CDH23: variants seen among roughly 807,000 people sequenced by gnomAD.
CDH23 encodes cadherin related 23, also known as cadherin-23.
Under a neutral mutation model 317.1 loss-of-function variants are expected in CDH23, and 189 were observed. That is an observed-to-expected ratio of 0.60 (90% confidence interval 0.53 to 0.67). The LOEUF is 0.67. Ranked by LOEUF, CDH23 falls within the 30% of genes least tolerant of loss-of-function variation. The pLI is 0.00. For missense variants in CDH23, 4,401 were observed against 4,592.4 expected (o/e 0.96, Z 1.20); for synonymous variants, 1,839 against 1,876.8 (o/e 0.98, Z 0.52).
In CDH23 at chr10:71,803,402, C is replaced by T; in HGVS notation, c.7854C>T (p.Thr2618=). 1 of 1,594,470 alleles carries T rather than the reference C, an allele frequency of 6.3e-7. No homozygotes were observed. Among genetic ancestry groups the T allele is most frequent in the Non-Finnish European group, 8.5e-7 (1 of 1,171,320 alleles). ...RPVFVRPPNG[T]ILHIREEIPL... is the part of the protein sequence containing the mutation. ...TCTTTGTGCGCCCACCCAACGGCACCATCCTCCACATCAGAGAGGTACTCC... is the reference window on the plus strand; with the variant it reads ...TCTTTGTGCGCCCACCCAACGGCACTATCCTCCACATCAGAGAGGTACTCC... The change falls in exon 55 of 70, where the codon ACC becomes ACT. Residue 2618 remains threonine, a synonymous_variant. Transcript: ENST00000224721.
At chr10:71,677,844 C>T (rs758884630) in intron 16 of CDH23, among the ~76,000 whole-genome samples, 151 bp downstream of exon 16, 2 of 152,136 alleles carry the variant, frequency 1.3e-5, no homozygotes, top group Admixed American at 6.5e-5. Context: ...GAGTTCATTG[C>T]GGCCCCAAAC....
intron 3 of CDH23, among the ~76,000 whole-genome samples, chr10:71,498,548 GTTTGT>G (rs144357101): frequency 0.017 from 2,600 of 152,342 alleles, 59 homozygotes; most frequent in African/African-American, 0.054. Flanking sequence ...TGGCTGCAGT[GTTTGT>G]TTTATCATCA....
intron 14 of CDH23, among the ~76,000 whole-genome samples, chr10:71,673,581 A>C (rs1763889012): frequency 1.3e-5 from 2 of 152,166 alleles, no homozygotes; most frequent in Non-Finnish European, 2.9e-5. Flanking sequence ...TCTGAGAACA[A>C]GCGCCCCTCT....
chr10:71,571,172 G>A (rs151002395), intron 8 of CDH23, among the ~76,000 whole-genome samples: 315 of 152,338 alleles, frequency 2.1e-3, no homozygotes, highest in Middle Eastern at 0.01. Flanking sequence ...GGCAAGTAAC[G>A]GGGAGCCATT....
At chr10:71,514,256 C>T (rs1435603393) in intron 6 of CDH23, among the ~76,000 whole-genome samples, 2 of 152,188 alleles carry the variant, frequency 1.3e-5, no homozygotes, top group East Asian at 3.9e-4. Context: ...CCAACCTCTG[C>T]AATTGTGAAT....
intron 38 of CDH23, chr10:71,752,999 G>A (rs1443806205): frequency 6.2e-7 from 1 of 1,612,904 alleles, no homozygotes; most frequent in Non-Finnish European, 8.5e-7. Flanking sequence ...CAGCTCCTGG[G>A]CACCTAGGGA....
At chr10:71,406,376 G>A (rs1848098044) in intron 1 of CDH23, among the ~76,000 whole-genome samples, 1 of 152,150 alleles carries the variant, frequency 6.6e-6, no homozygotes, top group Non-Finnish European at 1.5e-5. Context: ...AGCAGACCTG[G>A]GGCAATCTCT....
chr10:71,437,149 CT>C (rs1353899517), intron 1 of CDH23, among the ~76,000 whole-genome samples: 1 of 152,192 alleles, frequency 6.6e-6, no homozygotes, highest in East Asian at 1.9e-4. Flanking sequence ...CACATAGGCC[CT>C]CTCATATACT....
Position 71,730,616 on chromosome 10 carries a change from A to G in CDH23, c.3715+12A>G. The G allele has an allele frequency of 6.2e-7, 1 of 1,613,544 alleles. No individual in the cohort carries two copies. Among genetic ancestry groups the G allele is most frequent in the Non-Finnish European group, 8.5e-7 (1 of 1,179,854 alleles). On this transcript the variant is annotated intron_variant, in intron 31 of 69. Coordinates refer to ENST00000224721, the MANE Select transcript of CDH23 (RefSeq NM_022124.6). ...AGACCGAGACTCTGGTGAGGCTGGC[A>G]GGAGGAAGCCGGGGATCCCATTGCT...
intron 9 of CDH23, among the ~76,000 whole-genome samples, chr10:71,578,484 C>G (rs187669089): frequency 6.6e-6 from 1 of 152,282 alleles, no homozygotes; most frequent in African/African-American, 2.4e-5. Flanking sequence ...CATGTCGCAT[C>G]TGGAATGTTG....
At chr10:71,531,921 G>T (rs1855395431) in intron 6 of CDH23, among the ~76,000 whole-genome samples, 1 of 152,142 alleles carries the variant, frequency 6.6e-6, no homozygotes, top group Non-Finnish European at 1.5e-5. Flanking sequence ...TCACAAATTT[G>T]ATTTTCTAAG....
At chr10:71,789,227 A>C (rs1794194748) in intron 45 of CDH23, among the ~76,000 whole-genome samples, 185 bp downstream of exon 45, 1 of 152,204 alleles carries the variant, frequency 6.6e-6, no homozygotes, top group South Asian at 2.1e-4. Flanking sequence ...CTATGAGCAC[A>C]AAGAAGCCAC....
intron 47 of CDH23, among the ~76,000 whole-genome samples, 171 bp downstream of exon 47, chr10:71,791,506 CCCT>C (rs1282208722): frequency 6.6e-6 from 1 of 152,156 alleles, no homozygotes; most frequent in Non-Finnish European, 1.5e-5. Flanking sequence ...GCCCCTGCTT[CCCT>C]CCTCTGAGCT....
chr10:71,604,011 C>T (rs1016461443), intron 9 of CDH23, among the ~76,000 whole-genome samples: 3 of 152,226 alleles, frequency 2.0e-5, no homozygotes, highest in African/African-American at 7.2e-5. Context: ...TCTCTAGAGG[C>T]AGACAGGCTG....
chr10:71,639,024 G>A (rs184429117), intron 11 of CDH23, among the ~76,000 whole-genome samples: 2 of 152,340 alleles, frequency 1.3e-5, no homozygotes, highest in East Asian at 3.9e-4. Flanking sequence ...CCGGCAGGGA[G>A]CCAGGAGGGA....
chr10:71,675,810 C>G (rs1003964193), intron 15 of CDH23, among the ~76,000 whole-genome samples: 2 of 152,116 alleles, frequency 1.3e-5, no homozygotes, highest in African/African-American at 2.4e-5. Flanking sequence ...CAGCCTTGCC[C>G]CATCACCCTT....
chr10:71,626,335 G>A (rs971247234), intron 11 of CDH23, among the ~76,000 whole-genome samples: 3 of 152,250 alleles, frequency 2.0e-5, no homozygotes, highest in Admixed American at 6.5e-5. Flanking sequence ...CAAGGCTGAC[G>A]TCTGCTGGTT....
In CDH23 at chr10:71,815,237, G is replaced by A. The variant is rs372619247; in HGVS notation, c.10024G>A (p.Asp3342Asn). The A allele has an allele frequency of 1.8e-5, 28 of 1,593,030 alleles. No homozygotes were observed. In the African/African-American group the frequency reaches 2.0e-4, roughly 11 times the overall value. ...AKSTPLHKLR[D>N]VIMETPLEIT... ...ATCCACACCCCTGCACAAACTTCGC[G>A]ACGTGATCATGGAGACCCCCCTGGA... The change falls in exon 70 of 70, where the codon GAC becomes AAC. Residue 3342 changes from aspartate (D) to asparagine (N), a missense_variant. By Grantham distance (23) the Asp-to-Asn change is conservative. Around this residue, in one of 3 missense-constraint regions of CDH23, gnomAD observed 1,144 missense variants for 1,138.2 expected, o/e 1.01. Coordinates refer to ENST00000224721, the MANE Select transcript of CDH23 (RefSeq NM_022124.6).
rs796149049 is a variant in CDH23 at position 71,556,352 on chromosome 10, G to A, written c.430-10390G>A. On this transcript the variant is annotated intron_variant, in intron 6 of 69. Transcript: ENST00000224721. ...ACCATGGCTCATGCCTGTAATCCCA[G>A]CACTTTGGGAGGCTGAGGCAGGCAG... 9.2e-5 allele frequency among the ~76,000 whole-genome samples: 14 copies of A among 152,266 alleles called. 1 individual carries two copies. The highest frequency in any genetic ancestry group is 3.4e-4 in the African/African-American group (14 of 41,556).
Sources: allele counts gnomAD v4.1 joint callset (sites outside exome capture counted in the v4.1 genomes callset), GRCh38; gene constraint gnomAD v4.1.1; regional missense constraint gnomAD v4.1.1; transcripts MANE v1.5; gene names NCBI Gene and HGNC (gene_info 2026-07-23, HGNC 2026-07-21).